Variants in GCC2 observed in about 807,000 individuals in gnomAD.
The protein encoded by GCC2 is GRIP and coiled-coil domain containing 2.
Under a neutral mutation model 210.6 loss-of-function variants are expected in GCC2, and 120 were observed. The ratio of observed to expected loss-of-function variants is 0.57; its 90% CI spans 0.49 to 0.66. The LOEUF is 0.66. Among genes scored for constraint, GCC2 ranks in the 30% least tolerant of loss-of-function variants. The pLI, the probability that GCC2 is intolerant of heterozygous loss-of-function variation, is 0.00. For synonymous variants in GCC2, 703 were observed against 652.7 expected (o/e 1.08, Z -1.17); for missense variants, 1,868 against 1,871.9 (o/e 1.00, Z 0.04).
chr2:108,484,835 A>T (rs1244566388), intron 13 of GCC2: 2 of 152,022 alleles, frequency 1.3e-5, no homozygotes, highest in Non-Finnish European at 2.9e-5. Flanking sequence ...CTTGTAGTAT[A>T]GTTTGAAGTC....
chr2:108,460,285 G>A (rs767033658), intron 4 of GCC2, among the ~76,000 whole-genome samples: 11 of 152,190 alleles, frequency 7.2e-5, no homozygotes, highest in Admixed American at 1.3e-4. Context: ...TGGGCAGCAC[G>A]TAGTCGGATT....
chr2:108,481,893 TA>T, intron 10 of GCC2, 77 bp downstream of exon 10: 4 of 1,102,836 alleles, frequency 3.6e-6, no homozygotes, highest in East Asian at 5.2e-5. Context: ...ATAAAAAATT[TA>T]AAAAATATAG....
At chr2:108,485,101 C>T (rs1200791061) in intron 13 of GCC2, among the ~76,000 whole-genome samples, 3 of 150,084 alleles carry the variant, frequency 2.0e-5, no homozygotes, top group African/African-American at 7.4e-5. Flanking sequence ...TATTCTCACT[C>T]ATAGGTGGGA....
chr2:108,464,366 C>G (rs551887790), intron 4 of GCC2, among the ~76,000 whole-genome samples: 1 of 152,176 alleles, frequency 6.6e-6, no homozygotes, highest in Non-Finnish European at 1.5e-5. Context: ...CCCAGGTTGC[C>G]GGGCAAGACA....
At chr2:108,449,524 T>G (rs966241833) in intron 1 of GCC2, 109 bp from the exon 2 acceptor site, 69 of 1,292,184 alleles carry the variant, frequency 5.3e-5, no homozygotes, top group Non-Finnish European at 7.6e-5. Flanking sequence ...TCACGAGGCT[T>G]TCCACCACTT....
At chr2:108,492,306 TC>T (rs1682443777) in intron 18 of GCC2, among the ~76,000 whole-genome samples, 1 of 152,222 alleles carries the variant, frequency 6.6e-6, no homozygotes, top group African/African-American at 2.4e-5. Flanking sequence ...TGAAAGAAGT[TC>T]CTAGTCTGGA....
At chr2:108,475,711 A>G (rs753431626) in intron 8 of GCC2, 41 bp from the exon 9 acceptor site, 1 of 1,510,280 alleles carries the variant, frequency 6.6e-7, no homozygotes, top group South Asian at 1.2e-5. Flanking sequence ...TCCATTAAAA[A>G]AAAACAAAAA....
In GCC2 at chr2:108,471,825, A is replaced by C; in HGVS notation, c.2496A>C (p.Leu832Phe). 1.2e-6 allele frequency: 2 copies of C among 1,613,444 alleles called. No homozygotes were observed. The highest frequency in any genetic ancestry group is 1.7e-6 in the Non-Finnish European group (2 of 1,179,506). ...SVVQCEELKS[L>F]LRDYEQEKVL... Reference sequence around the variant, plus strand: ...TTCAGTGTGAAGAACTTAAGTCTTTATTGAGAGACTATGAGCAAGAGAAAG... The same window carrying C: ...TTCAGTGTGAAGAACTTAAGTCTTTCTTGAGAGACTATGAGCAAGAGAAAG... The change falls in exon 6 of 23, where the codon TTA becomes TTC. Residue 832 changes from leucine to phenylalanine, a missense_variant. Physicochemically the swap from Leu to Phe is conservative, Grantham distance 22. Transcript: ENST00000309863.
rs199573268 is a variant in GCC2 at position 108,475,505 on chromosome 2, G to A, written c.2861-30G>A. On this transcript the variant is annotated intron_variant, in intron 7 of 22. Transcript: ENST00000309863. The stretch of plus-strand genomic sequence containing the variant: ...ATTTGAATTTTTTCCTTTTGAGTTC[G>A]TATGTAATCCATTTATTTTCTATTT... 1,326 of 1,042,918 alleles carry A rather than the reference G, an allele frequency of 1.3e-3. 1 individual carries two copies. The highest frequency in any genetic ancestry group is 1.8e-3 in the Admixed American group (62 of 34,026). The allele number at this position is 1,042,918 out of a possible 1,614,324, so 64.6% of individuals were successfully genotyped here. A position where few individuals can be genotyped will look rare whatever the true frequency, so the allele number is the denominator to read the frequency against.
In GCC2 at chr2:108,470,300, C is replaced by T. The variant is rs758664500; in HGVS notation, c.971C>T (p.Thr324Ile). The change falls in exon 6 of 23, where the codon ACA (threonine) becomes ATA (isoleucine). Residue 324 changes from threonine (T) to isoleucine (I), a missense_variant. Coordinates refer to ENST00000309863, the MANE Select transcript of GCC2 (RefSeq NM_181453.4). ...TGTTCTATTCTCTTGCAAGAAAATA[C>T]ATTTGTAGAACAAGTAGTAAATGAA... ...QICSILLQEN[T>I]FVEQVVNEKV... The T allele has an allele frequency of 1.1e-5, 18 of 1,612,862 alleles. No homozygotes were observed. The highest frequency in any genetic ancestry group is 1.7e-4 in the Middle Eastern group (1 of 6,058).
Position 108,471,413 on chromosome 2 carries a change from A to T in GCC2, c.2084A>T (p.Asn695Ile), listed in dbSNP as rs764991505. Residue 695 changes from asparagine to isoleucine, a missense_variant, in exon 6 of 23, where the codon AAT becomes ATT. Around this residue, in one of 3 missense-constraint regions of GCC2, gnomAD observed 1,847 missense variants for 1,765.2 expected, o/e 1.05. Transcript: ENST00000309863. ...GTGAAGTCTCTTTATGAGGAAAACA[A>T]TAAACTCAGTTCAGAAAAAAAACAG... is the stretch of plus-strand genomic sequence containing the variant. ...AEVKSLYEEN[N>I]KLSSEKKQLS... The T allele has an allele frequency of 6.2e-7, 1 of 1,606,734 alleles. No individual in the cohort carries two copies. The highest frequency in any genetic ancestry group is 8.5e-7 in the Non-Finnish European group (1 of 1,178,094).
chr2:108,476,063 T>C (rs1266102050), intron 9 of GCC2, among the ~76,000 whole-genome samples: 1 of 93,382 alleles, frequency 1.1e-5, no homozygotes, highest in African/African-American at 5.0e-5. Flanking sequence ...GCTTTTTTTT[T>C]TTTTTTTTTT....
At position 108,475,648 on chromosome 2, in the gene GCC2, T is replaced by G; in HGVS notation, c.2961+13T>G. ...CAGCAGAAAAGAGGTGAGCTGACTTTAAAAATGTAAGATTCCGGAATCTCA... is the reference window on the plus strand; with the variant it reads ...CAGCAGAAAAGAGGTGAGCTGACTTGAAAAATGTAAGATTCCGGAATCTCA... On this transcript the variant is annotated intron_variant, in intron 8 of 22. Transcript: ENST00000309863. 1 of 1,505,654 alleles carries G rather than the reference T, an allele frequency of 6.6e-7. No individual in the cohort carries two copies. The highest frequency in any genetic ancestry group is 9.0e-7 in the Non-Finnish European group (1 of 1,107,954). The allele number at this position is 1,505,654 out of a possible 1,614,324, so 93.3% of individuals were successfully genotyped here.
Position 108,469,766 on chromosome 2 carries a change from G to A in GCC2, c.437G>A (p.Ser146Asn). The A allele has an allele frequency of 6.2e-7, 1 of 1,613,822 alleles. No homozygotes were observed. The highest frequency in any genetic ancestry group is 8.5e-7 in the Non-Finnish European group (1 of 1,179,780). The change falls in exon 6 of 23, where the codon AGT becomes AAT. Residue 146 changes from serine (S) to asparagine (N), a missense_variant. Coordinates refer to ENST00000309863, the MANE Select transcript of GCC2 (RefSeq NM_181453.4). ...TTGATGGCAGTACGTTCCAAATACA[G>A]TGAAGACAAAGCTAACTTACAAAAG... ...NELMAVRSKYSEDKANLQKQL... is the reference protein window; with the variant it reads ...NELMAVRSKYNEDKANLQKQL...
intron 4 of GCC2, among the ~76,000 whole-genome samples, chr2:108,456,458 T>C (rs1189414634): frequency 6.6e-6 from 1 of 152,230 alleles, no homozygotes; most frequent in Non-Finnish European, 1.5e-5. Context: ...TGATATTGAG[T>C]ATTTTATCAT....
intron 18 of GCC2, among the ~76,000 whole-genome samples, 174 bp from the exon 19 acceptor site, chr2:108,492,399 C>T (rs1421170167): frequency 6.6e-6 from 1 of 152,194 alleles, no homozygotes; most frequent in Non-Finnish European, 1.5e-5. Flanking sequence ...CAGCCAGTGT[C>T]AGTTCTCATC....
chr2:108,449,235 T>A lies in GCC2; in HGVS notation c.-40T>A. ...GCTGGCGCAAACAGAAGTGCAGCGG[T>A]GGCGGCGGCTGGTTGCGGGCCGGCG... On this transcript the variant is annotated 5_prime_UTR_variant, in exon 1 of 23. Coordinates refer to ENST00000309863, the MANE Select transcript of GCC2 (RefSeq NM_181453.4). 1 of 1,545,338 alleles carries A rather than the reference T, an allele frequency of 6.5e-7. No individual in the cohort carries two copies.
chr2:108,472,918 ATGT>A lies in GCC2; in HGVS notation c.2860+23_2860+25del. ...AAAATAGGTAACTATGGTTTTGCAG[ATGT>A]TGTCACAATTAATTAGACAGATTCT... On this transcript the variant is annotated intron_variant, in intron 7 of 22. Transcript: ENST00000309863. 2 of 1,352,508 alleles carry A rather than the reference ATGT, an allele frequency of 1.5e-6. No individual in the cohort carries two copies. Among genetic ancestry groups the A allele is most frequent in the East Asian group, 2.3e-5 (1 of 43,248 alleles). 83.8% of individuals were successfully genotyped at this position (1,352,508 alleles called of 1,614,324 possible).
chr2:108,504,002 G>C (rs1683059148), intron 22 of GCC2, among the ~76,000 whole-genome samples: 1 of 152,096 alleles, frequency 6.6e-6, no homozygotes, highest in Non-Finnish European at 1.5e-5. Context: ...TAGCTACTCA[G>C]GAGGCTAAGG....
Sources: gnomAD v4.1 joint callset for allele counts (sites outside exome capture counted in the v4.1 genomes callset) on GRCh38, gnomAD v4.1.1 for gene constraint, gnomAD v4.1.1 regional missense constraint, MANE v1.5 for transcripts, NCBI Gene and HGNC (gene_info 2026-07-23, HGNC 2026-07-21) for gene names.